Variants in ZNF280C observed in about 807,000 individuals in gnomAD.
ZNF280C encodes zinc finger protein 280C.
In ZNF280C, 14 loss-of-function variants were observed where a neutral mutation model predicts 53.6. That is an observed-to-expected ratio of 0.26 (90% CI 0.17 to 0.41). ZNF280C has a LOEUF of 0.41. ZNF280C is among the 10% of genes least tolerant of loss of function. The pLI is 1.00. For synonymous variants in ZNF280C, 203 were observed against 181.1 expected, an observed-to-expected ratio of 1.12 and a Z score of -0.97; for missense variants, 416 against 547.1, an observed-to-expected ratio of 0.76 and a Z score of 2.39.
At chrX:130,209,749 A>AT in intron 15 of ZNF280C, 34 bp from the exon 16 acceptor site, 1 of 1,088,690 alleles carries the variant, frequency 9.2e-7, no homozygotes, top group African/African-American at 1.8e-5. Context: ...GATTTTATTA[A>AT]TTTTATTATA....
intron 1 of ZNF280C, among the ~76,000 whole-genome samples, chrX:130,268,422 A>G (rs2124721555): frequency 8.9e-6 from 1 of 112,257 alleles, no homozygotes; most frequent in South Asian, 3.7e-4. Context: ...AGTTGCCTCC[A>G]GAATGAAAAG....
At chrX:130,267,709 T>A in intron 1 of ZNF280C, among the ~76,000 whole-genome samples, 3 of 112,161 alleles carry the variant, frequency 2.7e-5, no homozygotes. Flanking sequence ...GTAAGGAGAT[T>A]AAGTTTGCAC....
chrX:130,208,525 A>T (rs2032004695), intron 16 of ZNF280C, among the ~76,000 whole-genome samples: 1 of 111,816 alleles, frequency 8.9e-6, no homozygotes, highest in Non-Finnish European at 1.9e-5. Context: ...CAGTTAATTT[A>T]AAAACCAAGC....
chrX:130,237,260 C>G (rs934169189), intron 6 of ZNF280C, among the ~76,000 whole-genome samples: 3 of 111,813 alleles, frequency 2.7e-5, no homozygotes, highest in Non-Finnish European at 5.7e-5. Context: ...GATAATACCT[C>G]ACTCATTCAT....
intron 12 of ZNF280C, among the ~76,000 whole-genome samples, chrX:130,224,230 T>C (rs979101597): frequency 8.9e-6 from 1 of 111,736 alleles, no homozygotes; most frequent in Non-Finnish European, 1.9e-5. Flanking sequence ...TCTCCACCCC[T>C]TCCCCCATGT....
At chrX:130,239,988 A>C (rs755834235) in intron 5 of ZNF280C, among the ~76,000 whole-genome samples, 17 of 111,623 alleles carry the variant, frequency 1.5e-4, no homozygotes, top group Non-Finnish European at 3.0e-4. Context: ...TTCTGCAAGG[A>C]AATTTTAGCA....
intron 2 of ZNF280C, among the ~76,000 whole-genome samples, chrX:130,258,401 G>C (rs1008724985): frequency 3.6e-5 from 4 of 111,604 alleles, no homozygotes; most frequent in African/African-American, 1.3e-4. Context: ...TTTGAGGACA[G>C]TACACAAACA....
chrX:130,218,670 C>G (rs768038945), intron 13 of ZNF280C, among the ~76,000 whole-genome samples: 2 of 111,582 alleles, frequency 1.8e-5, no homozygotes, highest in East Asian at 5.6e-4. Flanking sequence ...GTCAAAAGAC[C>G]TGAGTTTAAG....
At chrX:130,205,018 T>C (rs774205369) in intron 18 of ZNF280C, 26 bp from the exon 19 acceptor site, 2 of 1,002,244 alleles carry the variant, frequency 2.0e-6, no homozygotes, top group Non-Finnish European at 2.6e-6. Flanking sequence ...AAAAAAACTT[T>C]AATATTTTTC....
chrX:130,250,496 T>A (rs2032495865), intron 2 of ZNF280C, among the ~76,000 whole-genome samples: 1 of 112,056 alleles, frequency 8.9e-6, no homozygotes, highest in Admixed American at 9.5e-5. Flanking sequence ...GACAATATTA[T>A]GAACACCTCT....
At position 130,260,485 on chromosome X, in the gene ZNF280C, A is replaced by G. The variant is rs778693660; in HGVS notation, c.-16-20T>C. 1 of 1,153,431 alleles carries G rather than the reference A, an allele frequency of 8.7e-7. No individual in the cohort carries two copies. Among genetic ancestry groups the G allele is most frequent in the African/African-American group, 1.8e-5 (1 of 55,984 alleles). On this transcript the variant is annotated intron_variant, in intron 1 of 18. Coordinates refer to ENST00000370978, the MANE Select transcript of ZNF280C (RefSeq NM_017666.5). ...GGTCACCTAAGTACGAACACATGACATCAATCAATGTTATGAGTCACTTTA... is the reference window on the plus strand; with the variant it reads ...GGTCACCTAAGTACGAACACATGACGTCAATCAATGTTATGAGTCACTTTA...
chrX:130,267,014 T>A (rs1259157890), intron 1 of ZNF280C, among the ~76,000 whole-genome samples: 7 of 109,060 alleles, frequency 6.4e-5, no homozygotes, highest in African/African-American at 2.4e-4. Flanking sequence ...GGTAGCAGAA[T>A]CGGTTGAACC....
chrX:130,244,887 A>G (rs1267294828), intron 3 of ZNF280C, among the ~76,000 whole-genome samples: 1 of 111,308 alleles, frequency 9.0e-6, no homozygotes, highest in Non-Finnish European at 1.9e-5. Flanking sequence ...ATAGAAATGC[A>G]GTACTCTATG....
At chrX:130,242,136 G>A (rs1372963987) in intron 5 of ZNF280C, among the ~76,000 whole-genome samples, 1 of 110,035 alleles carries the variant, frequency 9.1e-6, no homozygotes, top group South Asian at 4.0e-4. Context: ...CCAGCTACTC[G>A]GGAGGCTGAG....
At chrX:130,213,176 A>C (rs1268675810) in intron 15 of ZNF280C, among the ~76,000 whole-genome samples, 3 of 109,213 alleles carry the variant, frequency 2.7e-5, no homozygotes, top group African/African-American at 3.3e-5. Flanking sequence ...ACATGGTGAA[A>C]CCCCGTCTCT....
At chrX:130,242,721 T>C (rs979560816) in intron 5 of ZNF280C, among the ~76,000 whole-genome samples, 2 of 111,884 alleles carry the variant, frequency 1.8e-5, no homozygotes, top group Admixed American at 1.9e-4. Flanking sequence ...TTTTTATTTT[T>C]AGTAGAGACG....
intron 15 of ZNF280C, among the ~76,000 whole-genome samples, chrX:130,213,033 T>C (rs1353795158): frequency 9.0e-6 from 1 of 111,693 alleles, no homozygotes; most frequent in Non-Finnish European, 1.9e-5. Context: ...TAGAATAAAA[T>C]CTGACAGATG....
rs1009636392 is a variant in ZNF280C, at chrX:130,202,872, G to A, written c.*2105C>T. 1 of 111,200 alleles carries A rather than the reference G, an allele frequency of 9.0e-6. No homozygotes were observed. Among genetic ancestry groups the A allele is most frequent in the African/African-American group, 3.3e-5 (1 of 30,648 alleles). The allele number at this position is 111,200 out of a possible 1,213,427, so 9.2% of individuals were successfully genotyped here. A position where few individuals can be genotyped will look rare whatever the true frequency, so the allele number is the denominator to read the frequency against. ...TATACATCTATATATATATGAGCAA[G>A]AAACAAGTGCATTTTTTGGTCCCAA... On this transcript the variant is annotated 3_prime_UTR_variant, in exon 19 of 19. Coordinates refer to ENST00000370978, the MANE Select transcript of ZNF280C (RefSeq NM_017666.5).
At chrX:130,221,380 T>A (rs769852110) in intron 12 of ZNF280C, among the ~76,000 whole-genome samples, 1 of 111,439 alleles carries the variant, frequency 9.0e-6, no homozygotes, top group South Asian at 3.8e-4. Flanking sequence ...TCTCTACCTA[T>A]ACCTATACCT....
Sources: allele counts gnomAD v4.1 joint callset (sites outside exome capture counted in the v4.1 genomes callset), GRCh38; gene constraint gnomAD v4.1.1; transcripts MANE v1.5; gene names NCBI Gene and HGNC (gene_info 2026-07-23, HGNC 2026-07-21).